Variants in PUM2 observed in about 807,000 individuals in gnomAD.
The protein encoded by PUM2 is pumilio RNA binding family member 2.
A neutral mutation model predicts 124.5 loss-of-function variants in PUM2; 57 were observed. That is an observed-to-expected ratio of 0.46 (90% CI 0.37 to 0.57). The LOEUF is 0.57. PUM2 is among the 20% of genes least tolerant of loss of function. The pLI is 0.00. For missense variants in PUM2, 1,065 were observed against 1,290.6 expected (o/e 0.83, Z 2.68); for synonymous variants, 460 against 446.1 (o/e 1.03, Z -0.39).
intron 13 of PUM2, among the ~76,000 whole-genome samples, chr2:20,269,665 G>A (rs956889471): frequency 6.6e-6 from 1 of 152,112 alleles, no homozygotes; most frequent in African/African-American, 2.4e-5. Context: ...CCTTAAAACT[G>A]TTAATTTTAT....
chr2:20,341,458 G>A (rs908324241), intron 1 of PUM2, among the ~76,000 whole-genome samples: 3 of 152,154 alleles, frequency 2.0e-5, no homozygotes, highest in African/African-American at 7.2e-5. Flanking sequence ...TGTATCATAT[G>A]ATCCAATTTT....
chr2:20,271,585 A>T (rs887993852), intron 13 of PUM2, among the ~76,000 whole-genome samples: 40 of 152,304 alleles, frequency 2.6e-4, no homozygotes, highest in African/African-American at 9.6e-4. Flanking sequence ...AAATGCTGGG[A>T]TTACAAGCAT....
chr2:20,254,325 TA>T (rs1272056610), intron 19 of PUM2, among the ~76,000 whole-genome samples: 1 of 152,110 alleles, frequency 6.6e-6, no homozygotes, highest in Non-Finnish European at 1.5e-5. Flanking sequence ...CACGCCTGGA[TA>T]ATTTTTTGTA....
intron 2 of PUM2, among the ~76,000 whole-genome samples, chr2:20,321,272 C>T (rs779979882): frequency 6.6e-5 from 10 of 151,654 alleles, no homozygotes; most frequent in Non-Finnish European, 1.5e-4. Flanking sequence ...GGCGACAGAG[C>T]GAGACTCTGT....
intron 2 of PUM2, among the ~76,000 whole-genome samples, chr2:20,319,271 T>G (rs1482473914): frequency 6.6e-6 from 1 of 152,252 alleles, no homozygotes; most frequent in Non-Finnish European, 1.5e-5. Flanking sequence ...TTACTCAAAA[T>G]GAACATTTTG....
intron 7 of PUM2, among the ~76,000 whole-genome samples, chr2:20,306,060 C>T (rs1357984861): frequency 2.0e-5 from 3 of 151,992 alleles, no homozygotes; most frequent in Non-Finnish European, 4.4e-5. Context: ...AAAAAATTTG[C>T]CAGGTGTGGT....
intron 6 of PUM2, 83 bp from the exon 7 acceptor site, chr2:20,308,154 AT>A: frequency 2.0e-6 from 3 of 1,519,310 alleles, no homozygotes; most frequent in Middle Eastern, 1.8e-4. Flanking sequence ...CATTTTAAAC[AT>A]TTTTTCTTTG....
chr2:20,315,825 T>C (rs911727019), intron 3 of PUM2, among the ~76,000 whole-genome samples: 1 of 50,542 alleles, frequency 2.0e-5, no homozygotes. Context: ...GCCAGTCTTA[T>C]AACCTGGTCT....
intron 1 of PUM2, 140 bp from the exon 2 acceptor site, chr2:20,327,518 G>A (rs1350425678): frequency 1.7e-6 from 1 of 579,054 alleles, no homozygotes; most frequent in African/African-American, 1.9e-5. Context: ...AGGGAAGACA[G>A]GTTTTCCCAG....
At chr2:20,314,499 G>T (rs528047915) in intron 3 of PUM2, among the ~76,000 whole-genome samples, 2 of 152,300 alleles carry the variant, frequency 1.3e-5, no homozygotes, top group South Asian at 4.1e-4. Context: ...CATTCAAATA[G>T]TTTTTGCTGG....
intron 7 of PUM2, among the ~76,000 whole-genome samples, chr2:20,305,017 A>G (rs899548040): frequency 5.3e-5 from 8 of 152,238 alleles, no homozygotes; most frequent in African/African-American, 1.4e-4. Context: ...AAGATTGTCA[A>G]TAATGAATTT....
chr2:20,332,267 C>A (rs1274364508), intron 1 of PUM2, among the ~76,000 whole-genome samples: 1 of 142,332 alleles, frequency 7.0e-6, no homozygotes, highest in Non-Finnish European at 1.5e-5. Flanking sequence ...TCAACTTTTT[C>A]ACTTATACTA....
chr2:20,329,127 T>C (rs1030804036), intron 1 of PUM2, among the ~76,000 whole-genome samples: 2 of 151,090 alleles, frequency 1.3e-5, no homozygotes, highest in South Asian at 2.1e-4. Context: ...TAAACCATGA[T>C]TGTGCCATTG....
intron 7 of PUM2, among the ~76,000 whole-genome samples, chr2:20,298,820 G>C (rs966166513): frequency 6.6e-6 from 1 of 152,178 alleles, no homozygotes; most frequent in Admixed American, 6.5e-5. Context: ...GCCTGGGCAA[G>C]AGGGCGAGAC....
At chr2:20,258,881 A>G (rs1381692236) in intron 15 of PUM2, among the ~76,000 whole-genome samples, 2 of 151,244 alleles carry the variant, frequency 1.3e-5, no homozygotes, top group African/African-American at 4.9e-5. Flanking sequence ...GTTAGCCAGG[A>G]TGGTCTCGAT....
rs370467049 is a variant in PUM2, at chr2:20,249,466, C to G, written c.*2119G>C. The G allele has an allele frequency of 6.6e-6, 1 of 152,572 alleles. No homozygotes were observed. The highest frequency in any genetic ancestry group is 6.5e-5 in the Admixed American group (1 of 15,280). 9.5% of individuals were successfully genotyped at this position (152,572 alleles called of 1,614,324 possible). ...GACCCAGAGTGACTATGAGAAGGAA[C>G]GGTGACAAGTGTTTGGATTTAATGG... On this transcript the variant is annotated 3_prime_UTR_variant, in exon 21 of 21. Coordinates refer to ENST00000361078, the MANE Select transcript of PUM2 (RefSeq NM_015317.5).
chr2:20,351,098 C>T (rs1293095810), upstream of PUM2, among the ~76,000 whole-genome samples: 1 of 152,198 alleles, frequency 6.6e-6, no homozygotes, highest in Non-Finnish European at 1.5e-5. Context: ...GCTCGGAGAG[C>T]GCAGGCGTAC....
intron 13 of PUM2, among the ~76,000 whole-genome samples, chr2:20,274,546 C>T (rs965648317): frequency 5.3e-5 from 8 of 152,058 alleles, no homozygotes; most frequent in South Asian, 2.1e-4. Flanking sequence ...TAATCCACAG[C>T]AAACTAAAGC....
At chr2:20,260,545 G>A in intron 14 of PUM2, 79 bp from the exon 15 acceptor site, 1 of 1,235,774 alleles carries the variant, frequency 8.1e-7, no homozygotes, top group Non-Finnish European at 1.1e-6. Flanking sequence ...CCACATATAT[G>A]CACTGCAAGT....
Sources: gnomAD v4.1 joint callset for allele counts (sites outside exome capture counted in the v4.1 genomes callset) on GRCh38, gnomAD v4.1.1 for gene constraint, MANE v1.5 for transcripts, NCBI Gene and HGNC (gene_info 2026-07-23, HGNC 2026-07-21) for gene names.